The following TRABD2B variants were observed in gnomAD, a reference collection of about 807,000 sequenced individuals.
TRABD2B encodes TraB domain containing 2B, also known as metalloprotease TIKI2.
A neutral mutation model predicts 40.1 loss-of-function variants in TRABD2B; 14 were observed. That is an observed-to-expected ratio of 0.35 (90% CI 0.23 to 0.55). The LOEUF (loss-of-function observed/expected upper bound fraction) is 0.55. Ranked by LOEUF, TRABD2B falls within the 20% of genes least tolerant of loss-of-function variation. The pLI, the probability that TRABD2B is intolerant of heterozygous loss-of-function variation, is 0.90. For synonymous variants in TRABD2B, 263 were observed against 277.0 expected, an observed-to-expected ratio of 0.95 and a Z score of 0.50; for missense variants, 541 against 648.6, an observed-to-expected ratio of 0.83 and a Z score of 1.80.
intron 2 of TRABD2B, among the ~76,000 whole-genome samples, chr1:47,945,177 GC>G: frequency 6.6e-6 from 1 of 152,204 alleles, no homozygotes; most frequent in Non-Finnish European, 1.5e-5. Context: ...CTCTGTAGCA[GC>G]ACTTGGAGAT....
At chr1:47,938,270 A>G (rs994984569) in intron 2 of TRABD2B, among the ~76,000 whole-genome samples, 1 of 152,210 alleles carries the variant, frequency 6.6e-6, no homozygotes. Context: ...AAGGTGAAGG[A>G]AAGGAGAGCA....
chr1:47,914,836 T>A (rs1644809085), intron 2 of TRABD2B, among the ~76,000 whole-genome samples: 1 of 152,244 alleles, frequency 6.6e-6, no homozygotes, highest in Non-Finnish European at 1.5e-5. Context: ...AGCCCTTCAC[T>A]TATTCATCCA....
intron 2 of TRABD2B, among the ~76,000 whole-genome samples, chr1:47,964,154 T>G (rs2148410505): frequency 6.6e-6 from 1 of 152,342 alleles, no homozygotes; most frequent in East Asian, 1.9e-4. Flanking sequence ...TGGACCGAGT[T>G]TCTGGAATGT....
At chr1:47,942,385 G>A (rs542241530) in intron 2 of TRABD2B, among the ~76,000 whole-genome samples, 30 of 112,172 alleles carry the variant, frequency 2.7e-4, no homozygotes, top group Admixed American at 1.2e-3. Context: ...TGAAGGGGAC[G>A]ATCAGGGGAG....
At chr1:47,897,963 G>A (rs1043310656) in intron 2 of TRABD2B, among the ~76,000 whole-genome samples, 3 of 152,142 alleles carry the variant, frequency 2.0e-5, no homozygotes, top group African/African-American at 4.8e-5. Context: ...AAAAATAACT[G>A]GAAGTTACTT....
At chr1:47,767,755 T>G (rs1185395366) in intron 6 of TRABD2B, among the ~76,000 whole-genome samples, 2 of 152,302 alleles carry the variant, frequency 1.3e-5, no homozygotes, top group African/African-American at 4.8e-5. Flanking sequence ...GCAGCATGCG[T>G]GCCTTCCTGC....
chr1:47,816,294 G>A (rs1440650769), intron 2 of TRABD2B, among the ~76,000 whole-genome samples: 2 of 152,166 alleles, frequency 1.3e-5, no homozygotes, highest in Non-Finnish European at 2.9e-5. Context: ...CATGCTGTGT[G>A]TGGGTGAGAC....
Position 47,765,712 on chromosome 1 carries a change from G to C in TRABD2B, c.*190C>G, listed in dbSNP as rs1290860182. ...TACAAAAGAGCCCCATAGCACTATG[G>C]GAAATTAAGATCCTTCTACAAAAAA... On this transcript the variant is annotated 3_prime_UTR_variant, in exon 7 of 7. Transcript: ENST00000606738. 2.9e-5 allele frequency: 18 copies of C among 619,020 alleles called. No homozygotes were observed. The highest frequency in any genetic ancestry group is 5.2e-5 in the Non-Finnish European group (18 of 346,840). 38.3% of individuals were successfully genotyped at this position (619,020 alleles called of 1,614,324 possible).
intron 2 of TRABD2B, among the ~76,000 whole-genome samples, chr1:47,926,709 G>T (rs1457886408): frequency 1.3e-5 from 2 of 152,124 alleles, no homozygotes; most frequent in Non-Finnish European, 2.9e-5. Context: ...TTGAGGATAG[G>T]GCATAGTTTC....
intron 2 of TRABD2B, among the ~76,000 whole-genome samples, chr1:47,925,183 C>G (rs1350450326): frequency 5.9e-5 from 9 of 152,152 alleles, no homozygotes; most frequent in African/African-American, 2.2e-4. Context: ...TCTTGTTACT[C>G]TCCCTCAAAA....
At chr1:47,842,157 C>A (rs1237434990) in intron 2 of TRABD2B, among the ~76,000 whole-genome samples, 2 of 152,188 alleles carry the variant, frequency 1.3e-5, no homozygotes, top group Non-Finnish European at 2.9e-5. Context: ...AAGTGCCGGG[C>A]ACAATGTAGC....
chr1:47,879,771 G>A (rs997901452), intron 2 of TRABD2B, among the ~76,000 whole-genome samples: 2 of 152,204 alleles, frequency 1.3e-5, no homozygotes, highest in Non-Finnish European at 1.5e-5. Context: ...TCTTAAGGAG[G>A]CCAAGAAGGG....
chr1:47,878,267 G>C (rs1644252056), intron 2 of TRABD2B, among the ~76,000 whole-genome samples: 1 of 152,060 alleles, frequency 6.6e-6, no homozygotes, highest in South Asian at 2.1e-4. Flanking sequence ...AGTGAGCCGA[G>C]GTCACACCAC....
At chr1:47,780,142 T>C (rs941820821) in intron 4 of TRABD2B, among the ~76,000 whole-genome samples, 2 of 152,186 alleles carry the variant, frequency 1.3e-5, no homozygotes, top group African/African-American at 4.8e-5. Context: ...ATGTGCCATG[T>C]GGCTGGCTGA....
intron 2 of TRABD2B, among the ~76,000 whole-genome samples, chr1:47,864,171 T>C (rs889734701): frequency 2.6e-5 from 4 of 152,108 alleles, no homozygotes; most frequent in Non-Finnish European, 4.4e-5. Flanking sequence ...ACTATAATGG[T>C]AGACACATGT....
At chr1:47,766,823 G>A (rs1359773667) in intron 6 of TRABD2B, among the ~76,000 whole-genome samples, 5 of 152,184 alleles carry the variant, frequency 3.3e-5, no homozygotes, top group Middle Eastern at 3.2e-3. Context: ...TTAGTGAGAG[G>A]TGCAGTCTTT....
At chr1:47,969,939 ACT>A (rs1645657318) in intron 2 of TRABD2B, among the ~76,000 whole-genome samples, 2 of 151,232 alleles carry the variant, frequency 1.3e-5, no homozygotes, top group South Asian at 4.2e-4. Flanking sequence ...ACCGCTCCTC[ACT>A]CTCACATTGC....
intron 2 of TRABD2B, among the ~76,000 whole-genome samples, chr1:47,807,210 G>T (rs1478129280): frequency 6.6e-6 from 1 of 152,214 alleles, no homozygotes; most frequent in African/African-American, 2.4e-5. Context: ...TCACACCTCT[G>T]AGTCAACAGG....
At chr1:47,976,467 TACCTACTATGTGCTAGACATAGTA>T (rs1345196175) in intron 2 of TRABD2B, among the ~76,000 whole-genome samples, 1 of 152,172 alleles carries the variant, frequency 6.6e-6, no homozygotes, top group Non-Finnish European at 1.5e-5. Flanking sequence ...ATTAACTGAT[TACCTACTATGTGCTAGACATAGTA>T]GGTGCTAAGA....
Sources: gnomAD v4.1 joint callset for allele counts (sites outside exome capture counted in the v4.1 genomes callset) on GRCh38, gnomAD v4.1.1 for gene constraint, MANE v1.5 for transcripts, NCBI Gene and HGNC (gene_info 2026-07-23, HGNC 2026-07-21) for gene names.